MAST2: variants seen among roughly 807,000 people sequenced by gnomAD.
MAST2 encodes microtubule associated serine/threonine kinase 2, also known as microtubule-associated serine/threonine-protein kinase 2.
MAST2 carries 70 observed loss-of-function variants against 147.4 expected under a neutral mutation model. The ratio of observed to expected loss-of-function variants is 0.47; its 90% CI spans 0.39 to 0.58. The LOEUF is 0.58. Ranked by LOEUF, MAST2 falls within the 20% of genes least tolerant of loss-of-function variation. The probability of loss-of-function intolerance (pLI) is 0.00; values close to 1 mark genes in which losing one functional copy is unlikely to be tolerated. For missense variants in MAST2, 2,080 were observed against 2,302.3 expected (o/e 0.90, Z 1.98); for synonymous variants, 869 against 896.8 (o/e 0.97, Z 0.55).
intron 4 of MAST2, among the ~76,000 whole-genome samples, chr1:45,897,258 A>G (rs1648889537): frequency 6.6e-6 from 1 of 152,174 alleles, no homozygotes; most frequent in African/African-American, 2.4e-5. Flanking sequence ...TAGGAGCAGA[A>G]CTAGTGAGCT....
rs566766318 is a variant in MAST2, at chr1:45,822,089, A to G, written c.178-2344A>G. Among the ~76,000 whole-genome samples the G allele has an allele frequency of 1.9e-3, 290 of 151,622 alleles. 2 individuals are homozygous for G. The highest frequency in any genetic ancestry group is 6.6e-3 in the African/African-American group (272 of 41,272). ...TTTTTAGTAGAGATGGGGTTTTGCC[A>G]TGTTGGCCAGGCTGGTCTTGAACTC... On this transcript the variant is annotated intron_variant, in intron 1 of 28. Coordinates refer to ENST00000361297, the MANE Select transcript of MAST2 (RefSeq NM_015112.3).
At chr1:46,005,319 G>T (rs549681165) in intron 7 of MAST2, among the ~76,000 whole-genome samples, 33 of 151,214 alleles carry the variant, frequency 2.2e-4, no homozygotes, top group African/African-American at 7.5e-4. Context: ...CCAAGATCGT[G>T]CCATTGCACT....
chr1:45,929,798 A>G lies in MAST2; in HGVS notation c.501-29588A>G, dbSNP rs1055835222. Among the ~76,000 whole-genome samples, 5 of 152,074 alleles carry G rather than the reference A, an allele frequency of 3.3e-5. No homozygotes were observed. The East Asian group carries it at 7.7e-4, about 23-fold the overall frequency. On this transcript the variant is annotated intron_variant, in intron 4 of 28. Coordinates refer to ENST00000361297, the MANE Select transcript of MAST2 (RefSeq NM_015112.3). The stretch of plus-strand genomic sequence containing the variant: ...TATATACATATGTGTGTGTAAATAG[A>G]TGGATTTTTTTTTTTGGAGGGCTAT...
intron 11 of MAST2, among the ~76,000 whole-genome samples, chr1:46,020,614 G>A (rs1384146655): frequency 6.6e-6 from 1 of 152,156 alleles, no homozygotes; most frequent in African/African-American, 2.4e-5. Flanking sequence ...ATACACACTT[G>A]TAGAATCGTG....
intron 2 of MAST2, among the ~76,000 whole-genome samples, chr1:45,825,819 G>A (rs968645740): frequency 2.0e-5 from 3 of 151,612 alleles, no homozygotes; most frequent in Non-Finnish European, 4.4e-5. Flanking sequence ...GCTCACGCCC[G>A]TAATCACAGC....
chr1:46,026,106 T>C (rs1646398812), intron 16 of MAST2, among the ~76,000 whole-genome samples: 1 of 152,222 alleles, frequency 6.6e-6, no homozygotes, highest in African/African-American at 2.4e-5. Flanking sequence ...AGTAGATGGC[T>C]AAACAAGTGT....
At chr1:45,966,813 C>G (rs991666076) in intron 5 of MAST2, among the ~76,000 whole-genome samples, 1 of 150,696 alleles carries the variant, frequency 6.6e-6, no homozygotes, top group African/African-American at 2.4e-5. Context: ...GCTCCTGTTG[C>G]ATCATATCCT....
At chr1:45,882,840 A>G (rs906429812) in intron 4 of MAST2, among the ~76,000 whole-genome samples, 2 of 152,242 alleles carry the variant, frequency 1.3e-5, no homozygotes, top group African/African-American at 4.8e-5. Flanking sequence ...GACTATGTTG[A>G]ATGGAATAGG....
At chr1:45,948,114 G>A (rs573342261) in intron 4 of MAST2, among the ~76,000 whole-genome samples, 1 of 152,302 alleles carries the variant, frequency 6.6e-6, no homozygotes, top group Admixed American at 6.5e-5. Context: ...GCCAACAGCA[G>A]CCAGGGAGAG....
chr1:45,839,123 T>A (rs1645193717), intron 3 of MAST2, among the ~76,000 whole-genome samples: 1 of 124,712 alleles, frequency 8.0e-6, no homozygotes. Context: ...ACAGGCACCA[T>A]CACAAATTTT....
chr1:46,034,312 G>A, intron 28 of MAST2, 46 bp downstream of exon 28: 1 of 1,561,236 alleles, frequency 6.4e-7, no homozygotes, highest in Non-Finnish European at 8.7e-7. Flanking sequence ...TGGGAAATAG[G>A]AAAGTTCCTA....
At chr1:45,991,330 A>T (rs1644848980) in intron 5 of MAST2, among the ~76,000 whole-genome samples, 1 of 152,048 alleles carries the variant, frequency 6.6e-6, no homozygotes, top group African/African-American at 2.4e-5. Flanking sequence ...CAGTCCTCTA[A>T]CCTTATTCTT....
intron 3 of MAST2, among the ~76,000 whole-genome samples, chr1:45,867,623 G>A (rs1326419298): frequency 6.6e-6 from 1 of 152,154 alleles, no homozygotes; most frequent in African/African-American, 2.4e-5. Flanking sequence ...TGAGACTGTT[G>A]TGGTCAAAAA....
chr1:45,824,312 G>T, intron 1 of MAST2, 121 bp from the exon 2 acceptor site: 1 of 571,760 alleles, frequency 1.7e-6, no homozygotes, highest in Non-Finnish European at 2.8e-6. Flanking sequence ...CTATGGAGGG[G>T]GAAGTATAAT....
At chr1:45,957,690 A>G (rs926558704) in intron 4 of MAST2, among the ~76,000 whole-genome samples, 1 of 152,092 alleles carries the variant, frequency 6.6e-6, no homozygotes, top group Admixed American at 6.6e-5. Flanking sequence ...TGGAGGTTTA[A>G]GGAGAAAATG....
chr1:46,009,034 G>C (rs997024019), intron 9 of MAST2, among the ~76,000 whole-genome samples: 1 of 152,146 alleles, frequency 6.6e-6, no homozygotes, highest in African/African-American at 2.4e-5. Flanking sequence ...TATGGAACTA[G>C]GATCTTGTTT....
intron 4 of MAST2, among the ~76,000 whole-genome samples, chr1:45,905,514 C>G (rs941258197): frequency 2.0e-5 from 3 of 152,154 alleles, no homozygotes; most frequent in Admixed American, 2.0e-4. Flanking sequence ...CGCGGTGGCT[C>G]ACGCCTATAA....
intron 26 of MAST2, 101 bp from the exon 27 acceptor site, chr1:46,033,701 C>T (rs546135550): frequency 1.4e-6 from 2 of 1,453,958 alleles, no homozygotes; most frequent in Non-Finnish European, 1.9e-6. Context: ...GGACAAAAAG[C>T]TGGAGCTGTG....
At chr1:45,916,057 G>A (rs940412517) in intron 4 of MAST2, among the ~76,000 whole-genome samples, 1 of 152,132 alleles carries the variant, frequency 6.6e-6, no homozygotes, top group South Asian at 2.1e-4. Context: ...AAATAGTTGT[G>A]TGCCCTCCTA....
Sources: gnomAD v4.1 joint callset for allele counts (sites outside exome capture counted in the v4.1 genomes callset) on GRCh38, gnomAD v4.1.1 for gene constraint, MANE v1.5 for transcripts, NCBI Gene and HGNC (gene_info 2026-07-23, HGNC 2026-07-21) for gene names.